Variants in NRXN3 observed in about 807,000 individuals in gnomAD.
The protein encoded by NRXN3 is neurexin 3, also known as neurexin III.
NRXN3 carries 32 observed loss-of-function variants against 137.6 expected under a neutral mutation model. That is an observed-to-expected ratio of 0.23 (90% CI 0.18 to 0.31). The LOEUF (loss-of-function observed/expected upper bound fraction) is 0.31, where lower values mean the gene tolerates loss of function less well. NRXN3 is among the 10% of genes least tolerant of loss of function. The probability of loss-of-function intolerance (pLI) is 1.00; values close to 1 mark genes in which losing one functional copy is unlikely to be tolerated. For missense variants in NRXN3, 1,574 were observed against 2,062.5 expected (o/e 0.76, Z 4.59); for synonymous variants, 798 against 784.5 (o/e 1.02, Z -0.29).
At chr14:78,822,536 A>C (rs1160404821) in intron 10 of NRXN3, among the ~76,000 whole-genome samples, 1 of 151,640 alleles carries the variant, frequency 6.6e-6, no homozygotes, top group African/African-American at 2.4e-5. Context: ...TTACCCGGGC[A>C]TGGCTTTGGA....
intron 10 of NRXN3, among the ~76,000 whole-genome samples, chr14:78,842,043 G>A (rs2099013920): frequency 1.3e-5 from 2 of 152,028 alleles, no homozygotes; most frequent in Non-Finnish European, 2.9e-5. Flanking sequence ...TTTATCCTTT[G>A]CCTTGGGAAT....
At chr14:78,453,733 T>A (rs1598864171) in intron 4 of NRXN3, among the ~76,000 whole-genome samples, 1 of 152,132 alleles carries the variant, frequency 6.6e-6, no homozygotes, top group East Asian at 1.9e-4. Context: ...AATGAGTATG[T>A]TCTCATAAAA....
chr14:79,277,747 G>A (rs550133267), intron 15 of NRXN3, among the ~76,000 whole-genome samples: 3 of 152,318 alleles, frequency 2.0e-5, no homozygotes, highest in Non-Finnish European at 2.9e-5. Flanking sequence ...AAGACACTGC[G>A]TGGGGGCACA....
At chr14:79,669,324 T>A (rs2098592975) in intron 17 of NRXN3, 1 of 152,128 alleles carries the variant, frequency 6.6e-6, no homozygotes, top group Admixed American at 6.6e-5. Flanking sequence ...ACTTAATGAA[T>A]GTGTTTGAAC....
In NRXN3 at chr14:79,017,938, A is replaced by G. The variant is rs141432805; in HGVS notation, c.3262+29797A>G. Among the ~76,000 whole-genome samples, 1,331 of 152,102 alleles carry G rather than the reference A, an allele frequency of 8.8e-3. 8 individuals carry two copies. The highest frequency in any genetic ancestry group is 0.012 in the Non-Finnish European group (849 of 67,994). Reference sequence around the variant, plus strand: ...AACCTTTGATGACCCTCTGGTGGTCACCTTTTATAGTGAAAATGTTTGGTA... The same window carrying G: ...AACCTTTGATGACCCTCTGGTGGTCGCCTTTTATAGTGAAAATGTTTGGTA... On this transcript the variant is annotated intron_variant, in intron 15 of 20. Coordinates refer to ENST00000335750, the MANE Select transcript of NRXN3 (RefSeq NM_001330195.2).
chr14:79,818,378 T>G (rs2099259591), intron 20 of NRXN3, among the ~76,000 whole-genome samples: 1 of 152,308 alleles, frequency 6.6e-6, no homozygotes, highest in South Asian at 2.1e-4. Flanking sequence ...AGCTCATTAT[T>G]CATGATCAAT....
At chr14:79,189,454 G>A (rs968709097) in intron 15 of NRXN3, among the ~76,000 whole-genome samples, 3 of 151,708 alleles carry the variant, frequency 2.0e-5, no homozygotes, top group Admixed American at 2.0e-4. Context: ...GAGTTAATGG[G>A]TGCAGCACAC....
At chr14:79,634,234 A>G (rs1344331296) in intron 16 of NRXN3, among the ~76,000 whole-genome samples, 4 of 152,320 alleles carry the variant, frequency 2.6e-5, no homozygotes, top group African/African-American at 9.6e-5. Context: ...ACTTCATGCT[A>G]CTATCTATCC....
intron 4 of NRXN3, among the ~76,000 whole-genome samples, chr14:78,549,506 G>A (rs2193670): frequency 0.34 from 51,313 of 152,036 alleles, 9,255 homozygotes; most frequent in Admixed American, 0.38. Context: ...TGCTGTTTGA[G>A]ATAATTATCT....
chr14:79,427,491 T>C (rs1239558285), intron 15 of NRXN3, among the ~76,000 whole-genome samples: 1 of 151,968 alleles, frequency 6.6e-6, no homozygotes, highest in East Asian at 1.9e-4. Flanking sequence ...TTGTTCTTCT[T>C]GAAAGATACA....
intron 20 of NRXN3, among the ~76,000 whole-genome samples, chr14:79,826,884 G>T (rs528203220): frequency 6.6e-6 from 1 of 151,956 alleles, no homozygotes; most frequent in African/African-American, 2.4e-5. Flanking sequence ...GTGTAGAAGC[G>T]GGAAGATAGA....
At chr14:78,277,262 A>G (rs1028620439) in intron 2 of NRXN3, among the ~76,000 whole-genome samples, 2 of 152,170 alleles carry the variant, frequency 1.3e-5, no homozygotes, top group Non-Finnish European at 2.9e-5. Flanking sequence ...AACATTACCC[A>G]TCCTGTTCAG....
At chr14:79,167,698 C>T (rs1353035495) in intron 15 of NRXN3, among the ~76,000 whole-genome samples, 2 of 151,396 alleles carry the variant, frequency 1.3e-5, no homozygotes, top group African/African-American at 4.9e-5. Flanking sequence ...TTTTTTATGC[C>T]TCAACATTTG....
At chr14:79,489,376 G>A (rs538312524) in intron 16 of NRXN3, among the ~76,000 whole-genome samples, 3 of 152,172 alleles carry the variant, frequency 2.0e-5, no homozygotes, top group African/African-American at 7.2e-5. Context: ...CTGTGCTCCT[G>A]AATTGGTGCC....
intron 10 of NRXN3, among the ~76,000 whole-genome samples, chr14:78,847,032 C>T (rs895377602): frequency 6.6e-6 from 1 of 151,988 alleles, no homozygotes; most frequent in African/African-American, 2.4e-5. Flanking sequence ...ACATGTGGTC[C>T]CTCACTGTTG....
At chr14:79,468,156 G>A (rs2096454939) in intron 16 of NRXN3, among the ~76,000 whole-genome samples, 1 of 152,186 alleles carries the variant, frequency 6.6e-6, no homozygotes, top group Non-Finnish European at 1.5e-5. Flanking sequence ...GCACTTAATA[G>A]CACTGCACCC....
At chr14:79,106,152 C>T (rs373110008) in intron 15 of NRXN3, among the ~76,000 whole-genome samples, 34 of 152,058 alleles carry the variant, frequency 2.2e-4, no homozygotes, top group African/African-American at 8.2e-4. Context: ...GTAGCATAGA[C>T]TGTCTTTTCC....
At chr14:79,699,294 ACTCT>A (rs112371868) in intron 19 of NRXN3, among the ~76,000 whole-genome samples, 3,679 of 151,990 alleles carry the variant, frequency 0.024, 156 homozygotes, top group African/African-American at 0.083. Flanking sequence ...TTCTATTATG[ACTCT>A]CTCTAGCTCA....
At chr14:78,747,324 A>G (rs151018800) in intron 8 of NRXN3, among the ~76,000 whole-genome samples, 26 of 152,322 alleles carry the variant, frequency 1.7e-4, no homozygotes, top group Non-Finnish European at 3.4e-4. Flanking sequence ...ATGAAATGAA[A>G]TAATATATGT....
Sources: gnomAD v4.1 joint callset for allele counts (sites outside exome capture counted in the v4.1 genomes callset) on GRCh38, gnomAD v4.1.1 for gene constraint, MANE v1.5 for transcripts, NCBI Gene and HGNC (gene_info 2026-07-23, HGNC 2026-07-21) for gene names.